Variants in KIAA0319 observed in about 807,000 individuals in gnomAD.
The protein encoded by KIAA0319 is KIAA0319, also known as dyslexia-associated protein KIAA0319.
In KIAA0319, 83 loss-of-function variants were observed where a neutral mutation model predicts 108.4. That is an observed-to-expected ratio of 0.77 (90% CI 0.64 to 0.92). The LOEUF is 0.92. Ranked by LOEUF, KIAA0319 falls within the 40% of genes least tolerant of loss-of-function variation. KIAA0319 has a pLI of 0.00. For missense variants in KIAA0319, 1,195 were observed against 1,322.4 expected, an observed-to-expected ratio of 0.90 and a Z score of 1.49; for synonymous variants, 484 against 510.4, an observed-to-expected ratio of 0.95 and a Z score of 0.70.
intron 2 of KIAA0319, chr6:24,598,678 C>T: frequency 3.7e-6 from 1 of 270,982 alleles, no homozygotes; most frequent in South Asian, 4.0e-5. Context: ...GAGTTCAAGA[C>T]CAGCCTGACC....
At chr6:24,628,803 C>G (rs1344415387) in intron 1 of KIAA0319, among the ~76,000 whole-genome samples, 1 of 152,042 alleles carries the variant, frequency 6.6e-6, no homozygotes. Flanking sequence ...CCAATCTGTC[C>G]CTCTATTGTC....
intron 1 of KIAA0319, among the ~76,000 whole-genome samples, chr6:24,629,166 C>G (rs1455463398): frequency 6.6e-6 from 1 of 152,060 alleles, no homozygotes; most frequent in Non-Finnish European, 1.5e-5. Context: ...ACAACTCGAG[C>G]CTTTACACAC....
At chr6:24,628,003 T>C (rs906541300) in intron 1 of KIAA0319, among the ~76,000 whole-genome samples, 2 of 152,236 alleles carry the variant, frequency 1.3e-5, no homozygotes, top group Admixed American at 6.5e-5. Flanking sequence ...AACTGAGTAA[T>C]TGTGCTAATG....
intron 3 of KIAA0319, among the ~76,000 whole-genome samples, chr6:24,594,076 G>A (rs897566471): frequency 6.9e-4 from 105 of 151,180 alleles, no homozygotes; most frequent in African/African-American, 2.4e-3. Context: ...GCAGATGCCT[G>A]TAATCTCAGC....
chr6:24,597,934 A>G, intron 2 of KIAA0319: 1 of 153,666 alleles, frequency 6.5e-6, no homozygotes, highest in South Asian at 1.9e-4. Flanking sequence ...AAAAAAAAAA[A>G]AAAAAAAAAA....
intron 9 of KIAA0319, among the ~76,000 whole-genome samples, chr6:24,577,712 C>A (rs1330581323): frequency 6.6e-6 from 1 of 152,216 alleles, no homozygotes; most frequent in Non-Finnish European, 1.5e-5. Context: ...CAAGATCCAA[C>A]TTCTACTTCT....
rs776660414 is a variant in KIAA0319, at chr6:24,588,573, T to C, written c.994+20A>G. ...CCTGTCTTCAGTACATTTCTTGAAA[T>C]TGTATTTTTTAAAAGTTACCTGTCC... On this transcript the variant is annotated intron_variant, in intron 4 of 20. Transcript: ENST00000378214. 1.3e-5 allele frequency: 20 copies of C among 1,595,478 alleles called. No homozygotes were observed. The highest frequency in any genetic ancestry group is 7.7e-5 in the South Asian group (7 of 90,506).
intron 1 of KIAA0319, among the ~76,000 whole-genome samples, chr6:24,622,960 A>G (rs1774173900): frequency 6.6e-6 from 1 of 152,110 alleles, no homozygotes; most frequent in Non-Finnish European, 1.5e-5. Flanking sequence ...AATTACTTGA[A>G]CCCAGGAGAT....
chr6:24,593,696 C>T (rs62400527), intron 3 of KIAA0319, among the ~76,000 whole-genome samples: 3 of 151,542 alleles, frequency 2.0e-5, no homozygotes, highest in South Asian at 2.1e-4. Flanking sequence ...ACACTGCTCC[C>T]GGCCCTGAAT....
At chr6:24,620,939 A>G (rs1773849859) in intron 1 of KIAA0319, among the ~76,000 whole-genome samples, 1 of 152,212 alleles carries the variant, frequency 6.6e-6, no homozygotes, top group African/African-American at 2.4e-5. Context: ...AATGCAGCTG[A>G]CTTCCTACTG....
chr6:24,573,591 T>C (rs1043205869), intron 10 of KIAA0319, among the ~76,000 whole-genome samples: 5 of 152,206 alleles, frequency 3.3e-5, no homozygotes, highest in African/African-American at 1.2e-4. Context: ...GAACAATGCA[T>C]ACAATGTGAA....
downstream of KIAA0319, among the ~76,000 whole-genome samples, chr6:24,541,985 T>TA (rs1428134918): frequency 1.3e-5 from 2 of 152,090 alleles, no homozygotes; most frequent in South Asian, 4.1e-4. Context: ...ACTAAAAATA[T>TA]AAAAAGTAGC....
chr6:24,596,302 G>A lies in KIAA0319; in HGVS notation c.372C>T (p.Gly124=). 1 of 1,614,124 alleles carries A rather than the reference G, an allele frequency of 6.2e-7. No homozygotes were observed. Among genetic ancestry groups the A allele is most frequent in the East Asian group, 2.2e-5 (1 of 44,876 alleles). Residue 124 remains glycine (G), a synonymous_variant, in exon 3 of 21, where the codon GGC becomes GGT. Transcript: ENST00000378214. The part of the protein sequence containing the change: ...LDYGDMMLNR[G]SPSGIWGDSP... ...AGTCCCCCCAGATCCCCGAGGGGGA[G>A]CCCCTGTTCAGCATCATGTCCCCAT... is the stretch of plus-strand genomic sequence containing the variant.
rs374271878 is a variant in KIAA0319, at chr6:24,596,072, T to C, written c.602A>G (p.Asp201Gly). The C allele has an allele frequency of 1.2e-6, 2 of 1,614,044 alleles. No homozygotes were observed. The highest frequency in any genetic ancestry group is 1.7e-6 in the Non-Finnish European group (2 of 1,179,942). ...SEGAFNSSVGDSPAVPAETQQ... is the reference protein window; with the variant it reads ...SEGAFNSSVGGSPAVPAETQQ... Reference sequence around the variant, plus strand: ...CGTCTCCGCTGGCACCGCAGGACTGTCTCCAACAGAGGAGTTGAAGGCCCC... The same window carrying C: ...CGTCTCCGCTGGCACCGCAGGACTGCCTCCAACAGAGGAGTTGAAGGCCCC... Residue 201 changes from aspartate to glycine, a missense_variant, in exon 3 of 21, where the codon GAC (aspartate) becomes GGC (glycine). Transcript: ENST00000378214.
rs148833009 is a variant in KIAA0319 at position 24,595,924 on chromosome 6, T to C, written c.750A>G (p.Lys250=). Residue 250 remains lysine, a synonymous_variant, in exon 3 of 21, where the codon AAA becomes AAG. Coordinates refer to ENST00000378214, the MANE Select transcript of KIAA0319 (RefSeq NM_014809.4). ...GTTCCTGGAGCTGAGAAGCCTTTTC[T>C]TTCTCCAACACCTCTCCTGAAGATG... ...TTPSSGEVLE[K]EKASQLQEQS... The C allele has an allele frequency of 3.7e-6, 6 of 1,613,248 alleles. No homozygotes were observed. The highest frequency in any genetic ancestry group is 1.6e-4 in the Middle Eastern group (1 of 6,076).
intron 1 of KIAA0319, among the ~76,000 whole-genome samples, chr6:24,614,088 C>G (rs1772786824): frequency 6.6e-6 from 1 of 152,156 alleles, no homozygotes; most frequent in African/African-American, 2.4e-5. Flanking sequence ...AAACGCAGGT[C>G]AACTAAAAAC....
chr6:24,549,691 T>C (rs1761184809), intron 20 of KIAA0319, among the ~76,000 whole-genome samples: 1 of 152,192 alleles, frequency 6.6e-6, no homozygotes, highest in Admixed American at 6.5e-5. Context: ...CGTACCGCTA[T>C]GGGCAGGATT....
At position 24,588,780 on chromosome 6, in the gene KIAA0319, T is replaced by G; in HGVS notation, c.807A>C (p.Leu269=). 6.2e-7 allele frequency: 1 copy of G among 1,613,176 alleles called. No individual in the cohort carries two copies. Among genetic ancestry groups the G allele is most frequent in the Non-Finnish European group, 8.5e-7 (1 of 1,179,524 alleles). ...QSSNSSGKEV[L]MPSHSLPPAS... ...CCGGAGGAAGACTATGGGAAGGCAT[T>G]AGAACCTACGAGATCAATTACAAGG... is the stretch of plus-strand genomic sequence containing the variant. Residue 269 remains leucine (L), a synonymous_variant, in exon 4 of 21, where the codon CTA becomes CTC. Coordinates refer to ENST00000378214, the MANE Select transcript of KIAA0319 (RefSeq NM_014809.4).
intron 19 of KIAA0319, among the ~76,000 whole-genome samples, chr6:24,552,846 C>G (rs1162379482): frequency 6.6e-6 from 1 of 152,166 alleles, no homozygotes; most frequent in African/African-American, 2.4e-5. Flanking sequence ...CTCAAGTGAT[C>G]CACCCACCCT....
Sources: allele counts gnomAD v4.1 joint callset (sites outside exome capture counted in the v4.1 genomes callset), GRCh38; gene constraint gnomAD v4.1.1; transcripts MANE v1.5; gene names NCBI Gene and HGNC (gene_info 2026-07-23, HGNC 2026-07-21).